ANKRD44: variants seen among roughly 807,000 people sequenced by gnomAD.
The protein encoded by ANKRD44 is ankyrin repeat domain 44.
Under a neutral mutation model 116.0 loss-of-function variants are expected in ANKRD44, and 35 were observed. The observed-to-expected ratio is 0.30, with a 90% CI of 0.23 to 0.40. The LOEUF (loss-of-function observed/expected upper bound fraction) is 0.40, where lower values mean the gene tolerates loss of function less well. ANKRD44 is among the 10% of genes least tolerant of loss of function. The pLI is 1.00. For synonymous variants in ANKRD44, 435 were observed against 461.8 expected (o/e 0.94, Z 0.74); for missense variants, 1,014 against 1,242.6 (o/e 0.82, Z 2.77).
intron 2 of ANKRD44, among the ~76,000 whole-genome samples, chr2:197,151,427 C>A (rs939769270): frequency 7.2e-5 from 11 of 152,188 alleles, no homozygotes; most frequent in Admixed American, 7.2e-4. Flanking sequence ...TAAGGGGGAA[C>A]ACCCCCACTA....
At chr2:197,260,432 A>G (rs1369479621) in intron 1 of ANKRD44, among the ~76,000 whole-genome samples, 1 of 152,192 alleles carries the variant, frequency 6.6e-6, no homozygotes, top group Non-Finnish European at 1.5e-5. Context: ...TTATGGCTGC[A>G]TAGTATTCCA....
chr2:197,152,491 T>C (rs1197616969), intron 2 of ANKRD44, among the ~76,000 whole-genome samples: 1 of 152,206 alleles, frequency 6.6e-6, no homozygotes, highest in Non-Finnish European at 1.5e-5. Flanking sequence ...GAAGGAAGGA[T>C]GGTAAACCCT....
intron 2 of ANKRD44, among the ~76,000 whole-genome samples, chr2:197,175,322 C>T (rs909471785): frequency 6.6e-6 from 1 of 152,144 alleles, no homozygotes; most frequent in South Asian, 2.1e-4. Context: ...CCAAATAAAA[C>T]GCATGCCTGC....
intron 16 of ANKRD44, among the ~76,000 whole-genome samples, chr2:197,045,283 T>C (rs548406539): frequency 1.3e-5 from 2 of 152,276 alleles, no homozygotes; most frequent in East Asian, 3.9e-4. Context: ...GGAAGTTGTA[T>C]TGTTACAACT....
chr2:197,011,953 A>T (rs1559416163), intron 18 of ANKRD44, among the ~76,000 whole-genome samples: 1 of 152,146 alleles, frequency 6.6e-6, no homozygotes, highest in African/African-American at 2.4e-5. Flanking sequence ...ATGAGTGACA[A>T]CCATTTTTCA....
At chr2:197,172,630 T>C (rs2080267593) in intron 2 of ANKRD44, among the ~76,000 whole-genome samples, 1 of 152,354 alleles carries the variant, frequency 6.6e-6, no homozygotes, top group East Asian at 1.9e-4. Flanking sequence ...TCGCCCAGGC[T>C]GGGGTGCAGT....
intron 10 of ANKRD44, among the ~76,000 whole-genome samples, chr2:197,092,530 G>A (rs1401826153): frequency 1.3e-5 from 2 of 152,118 alleles, no homozygotes; most frequent in Admixed American, 1.3e-4. Context: ...TTCCATAATA[G>A]CTTCTTCCTA....
chr2:197,159,589 G>T (rs2079907293), intron 2 of ANKRD44, among the ~76,000 whole-genome samples: 1 of 152,218 alleles, frequency 6.6e-6, no homozygotes, highest in South Asian at 2.1e-4. Flanking sequence ...TCAATACCTT[G>T]TAGTAGGTTC....
chr2:197,293,395 AG>A (rs976297050), intron 1 of ANKRD44, among the ~76,000 whole-genome samples: 3 of 152,202 alleles, frequency 2.0e-5, no homozygotes, highest in African/African-American at 4.8e-5. Context: ...ACACTAATCA[AG>A]GGGCTAAAAA....
intron 1 of ANKRD44, among the ~76,000 whole-genome samples, chr2:197,217,512 T>G (rs2081477750): frequency 6.6e-6 from 1 of 152,212 alleles, no homozygotes; most frequent in African/African-American, 2.4e-5. Flanking sequence ...TAGACTCTCC[T>G]GCAGAGGCAG....
Position 196,989,353 on chromosome 2 carries a change from A to C in ANKRD44, c.*238T>G, listed in dbSNP as rs2075878404. 1.9e-6 allele frequency: 2 copies of C among 1,077,702 alleles called. No homozygotes were observed. The highest frequency in any genetic ancestry group is 2.2e-6 in the Non-Finnish European group (2 of 889,736). The allele number at this position is 1,077,702 out of a possible 1,614,324, so 66.8% of individuals were successfully genotyped here. ...TCAACTAGAAATCTGTGTCCTAAGA[A>C]ATATAAAATACAACAAAGACTGGTA... On this transcript the variant is annotated 3_prime_UTR_variant, in exon 28 of 28. Transcript: ENST00000282272.
chr2:197,179,916 G>A (rs1236942206), intron 2 of ANKRD44, among the ~76,000 whole-genome samples: 1 of 152,196 alleles, frequency 6.6e-6, no homozygotes, highest in Non-Finnish European at 1.5e-5. Flanking sequence ...CACATCCTGG[G>A]CAGGGGTCCA....
chr2:197,110,912 C>G lies in ANKRD44; in HGVS notation c.907-68G>C, dbSNP rs2078549739. The G allele has an allele frequency of 2.9e-6, 3 of 1,029,182 alleles. No individual in the cohort carries two copies. The South Asian group carries it at 3.8e-5, about 13-fold the overall frequency. The allele number at this position is 1,029,182 out of a possible 1,614,324, so 63.8% of individuals were successfully genotyped here. On this transcript the variant is annotated intron_variant, in intron 8 of 27. Coordinates refer to ENST00000282272, the MANE Select transcript of ANKRD44 (RefSeq NM_001195144.2). ...GAGCCAGTGACACCCATCTGAAATA[C>G]CCCTATGGACACTCCTAATAATGCC... is the stretch of plus-strand genomic sequence containing the variant.
chr2:197,006,224 C>G (rs2076199761), intron 20 of ANKRD44, among the ~76,000 whole-genome samples: 1 of 152,110 alleles, frequency 6.6e-6, no homozygotes, highest in African/African-American at 2.4e-5. Flanking sequence ...AGGAGGATCA[C>G]TAGGTCAGGA....
chr2:197,111,748 A>C lies in ANKRD44; in HGVS notation c.907-904T>G, dbSNP rs535215648. Among the ~76,000 whole-genome samples, 54 of 152,098 alleles carry C rather than the reference A, an allele frequency of 3.6e-4. 1 individual carries two copies. The highest frequency in any genetic ancestry group is 3.5e-3 in the Admixed American group (53 of 15,286). On this transcript the variant is annotated intron_variant, in intron 8 of 27. Coordinates refer to ENST00000282272, the MANE Select transcript of ANKRD44 (RefSeq NM_001195144.2). The stretch of plus-strand genomic sequence containing the variant: ...AAAATAAAATAAAACAAAAAAGAAA[A>C]AATTTAAACAAAAGAATAAAGAAAA...
chr2:197,036,346 C>A (rs1333154487), intron 16 of ANKRD44, among the ~76,000 whole-genome samples: 1 of 152,106 alleles, frequency 6.6e-6, no homozygotes, highest in Non-Finnish European at 1.5e-5. Context: ...GCAACCTCCA[C>A]CTCCCAGGTT....
chr2:197,036,103 C>T (rs779843091), intron 16 of ANKRD44, among the ~76,000 whole-genome samples: 3 of 152,082 alleles, frequency 2.0e-5, no homozygotes, highest in Non-Finnish European at 2.9e-5. Flanking sequence ...ATCTGTGTTC[C>T]CAGAAATTGT....
chr2:197,078,293 A>G lies in ANKRD44; in HGVS notation c.1650+410T>C, dbSNP rs1347944520. 190 of 104,104 alleles carry G rather than the reference A, an allele frequency of 1.8e-3. 1 individual carries two copies. Among genetic ancestry groups the G allele is most frequent in the African/African-American group, 6.0e-3 (183 of 30,306 alleles). 6.4% of individuals were successfully genotyped at this position (104,104 alleles called of 1,614,324 possible). ...CCTTCACTCTGCCACTGATTACCAC[A>G]CACACACACACACACACACACACAC... On this transcript the variant is annotated intron_variant, in intron 16 of 27. Coordinates refer to ENST00000282272, the MANE Select transcript of ANKRD44 (RefSeq NM_001195144.2).
chr2:197,026,162 T>C (rs549001580), intron 16 of ANKRD44, among the ~76,000 whole-genome samples: 5 of 152,126 alleles, frequency 3.3e-5, no homozygotes, highest in Admixed American at 3.3e-4. Flanking sequence ...AATGCATTCA[T>C]ACAATAAATA....
Sources: allele counts gnomAD v4.1 joint callset (sites outside exome capture counted in the v4.1 genomes callset), GRCh38; gene constraint gnomAD v4.1.1; transcripts MANE v1.5; gene names NCBI Gene and HGNC (gene_info 2026-07-23, HGNC 2026-07-21).